COMMD10: variants seen among roughly 807,000 people sequenced by gnomAD.
COMMD10 encodes COMM domain-containing protein 10.
A neutral mutation model predicts 28.9 loss-of-function variants in COMMD10; 33 were observed. That is an observed-to-expected ratio of 1.14 (90% CI 0.87 to 1.53). COMMD10 has a LOEUF of 1.53. Among genes scored for constraint, COMMD10 ranks in the 40% most tolerant of loss-of-function variants. COMMD10 has a pLI of 0.00. For missense variants in COMMD10, 310 were observed against 233.4 expected (o/e 1.33, Z -2.14); for synonymous variants, 110 against 81.7 (o/e 1.35, Z -1.87).
chr5:116,287,015 A>G (rs1290048829), intron 5 of COMMD10, among the ~76,000 whole-genome samples: 1 of 151,914 alleles, frequency 6.6e-6, no homozygotes, highest in South Asian at 2.1e-4. Flanking sequence ...TTTGTTCCAT[A>G]TATTTAGATT....
chr5:116,201,054 C>A (rs532562921), intron 5 of COMMD10, among the ~76,000 whole-genome samples: 1 of 152,098 alleles, frequency 6.6e-6, no homozygotes. Flanking sequence ...TTATCCTTCT[C>A]CAGTTGGACA....
chr5:116,237,965 A>C (rs531056529), intron 5 of COMMD10, among the ~76,000 whole-genome samples: 42 of 152,300 alleles, frequency 2.8e-4, no homozygotes, highest in African/African-American at 9.6e-4. Flanking sequence ...ATAAAGGTAA[A>C]TTTAATAAAA....
At chr5:116,149,122 T>G (rs900934720) in intron 5 of COMMD10, among the ~76,000 whole-genome samples, 11 of 149,792 alleles carry the variant, frequency 7.3e-5, no homozygotes, top group African/African-American at 2.7e-4. Context: ...TTTTTGTTCT[T>G]GCGATAGTTT....
chr5:116,146,259 G>A (rs547539694), intron 5 of COMMD10, among the ~76,000 whole-genome samples: 2 of 151,894 alleles, frequency 1.3e-5, no homozygotes, highest in African/African-American at 4.8e-5. Flanking sequence ...GTGGCTACTC[G>A]TTGATCTCTT....
chr5:116,200,121 T>TAATC (rs60998397), intron 5 of COMMD10, among the ~76,000 whole-genome samples: 150,139 of 152,142 alleles, frequency 0.99, 74,108 homozygotes, highest in East Asian at 1. Context: ...GTGTTACAAA[T>TAATC]AAATTATATT....
At chr5:116,186,289 C>G (rs528861867) in intron 5 of COMMD10, among the ~76,000 whole-genome samples, 2 of 152,234 alleles carry the variant, frequency 1.3e-5, no homozygotes, top group East Asian at 3.9e-4. Flanking sequence ...CCCCAAACTG[C>G]TTTTGTAAAT....
chr5:116,186,558 C>G (rs1332586999), intron 5 of COMMD10, among the ~76,000 whole-genome samples: 1 of 152,128 alleles, frequency 6.6e-6, no homozygotes, highest in Non-Finnish European at 1.5e-5. Context: ...TTTACCTTGA[C>G]CTGAACTGGC....
chr5:116,100,541 A>G (rs903731278), intron 4 of COMMD10, among the ~76,000 whole-genome samples: 12 of 141,278 alleles, frequency 8.5e-5, no homozygotes, highest in Admixed American at 3.6e-4. Context: ...TTGCATGTAG[A>G]TTTTCAGTTT....
At chr5:116,120,666 C>G (rs746457614) in intron 4 of COMMD10, among the ~76,000 whole-genome samples, 9 of 152,090 alleles carry the variant, frequency 5.9e-5, no homozygotes, top group African/African-American at 2.4e-5. Context: ...AATGGACTTA[C>G]AGATATACTT....
At chr5:116,247,465 G>C in intron 5 of COMMD10, among the ~76,000 whole-genome samples, 1 of 152,006 alleles carries the variant, frequency 6.6e-6, no homozygotes, top group African/African-American at 2.4e-5. Flanking sequence ...TCTCATTGCT[G>C]GGTATATACC....
intron 5 of COMMD10, among the ~76,000 whole-genome samples, chr5:116,181,351 A>G (rs934776446): frequency 6.6e-6 from 1 of 150,904 alleles, no homozygotes; most frequent in Non-Finnish European, 1.5e-5. Flanking sequence ...CTTATTATTG[A>G]CCAAGATTAT....
chr5:116,161,975 G>GT (rs2112568176), intron 5 of COMMD10, among the ~76,000 whole-genome samples: 1 of 152,212 alleles, frequency 6.6e-6, no homozygotes, highest in South Asian at 2.1e-4. Flanking sequence ...GAAACCAGAA[G>GT]TTTTTCTCCC....
intron 5 of COMMD10, among the ~76,000 whole-genome samples, chr5:116,143,074 T>TG (rs1318684501): frequency 1.8e-4 from 27 of 150,342 alleles, no homozygotes; most frequent in Admixed American, 4.0e-4. Context: ...TTTTGGTTTT[T>TG]TTTTTTTTTT....
intron 5 of COMMD10, among the ~76,000 whole-genome samples, chr5:116,139,264 A>G (rs1203525461): frequency 6.6e-6 from 1 of 151,782 alleles, no homozygotes; most frequent in African/African-American, 2.4e-5. Context: ...TTTTTAGTCA[A>G]TTAGAAACAC....
intron 5 of COMMD10, among the ~76,000 whole-genome samples, chr5:116,175,736 C>T (rs1168865178): frequency 6.6e-6 from 1 of 152,106 alleles, no homozygotes; most frequent in African/African-American, 2.4e-5. Flanking sequence ...ATGGATGAAA[C>T]TTGAAGACAT....
At chr5:116,227,227 G>A (rs932040325) in intron 5 of COMMD10, among the ~76,000 whole-genome samples, 3 of 151,868 alleles carry the variant, frequency 2.0e-5, no homozygotes, top group African/African-American at 7.3e-5. Flanking sequence ...CTCATTTCAA[G>A]GCCCTTGAAA....
chr5:116,204,067 CA>C (rs1473897146), intron 5 of COMMD10, among the ~76,000 whole-genome samples: 1 of 151,394 alleles, frequency 6.6e-6, no homozygotes, highest in African/African-American at 2.4e-5. Context: ...AAATGGAAAA[CA>C]AAAAAAGGCA....
Position 116,251,655 on chromosome 5 carries a change from G to T in COMMD10, c.511-39862G>T, listed in dbSNP as rs1476866450. Among the ~76,000 whole-genome samples, 313 of 150,700 alleles carry T rather than the reference G, an allele frequency of 2.1e-3. 2 individuals carry two copies. The highest frequency in any genetic ancestry group is 7.3e-3 in the African/African-American group (297 of 40,826). ...TTTTTATGGCTGCATAGTATTCCAT[G>T]GTGTATATGTGCCACATTTTCTTAA... is the stretch of plus-strand genomic sequence containing the variant. On this transcript the variant is annotated intron_variant, in intron 5 of 6. Coordinates refer to ENST00000274458, the MANE Select transcript of COMMD10 (RefSeq NM_016144.4).
chr5:116,085,248 T>C, intron 1 of COMMD10, 155 bp downstream of exon 1: 4 of 686,262 alleles, frequency 5.8e-6, no homozygotes, highest in Middle Eastern at 8.1e-4. Context: ...CGACGCTGCG[T>C]CTGCGGAGTG....
Sources: gnomAD v4.1 joint callset for allele counts (sites outside exome capture counted in the v4.1 genomes callset) on GRCh38, gnomAD v4.1.1 for gene constraint, MANE v1.5 for transcripts, NCBI Gene and HGNC (gene_info 2026-07-23, HGNC 2026-07-21) for gene names.